Variants in SSBP4 observed in about 807,000 individuals in gnomAD.
SSBP4 encodes single stranded DNA binding protein 4, also known as single-stranded DNA-binding protein 4.
In SSBP4, 33 loss-of-function variants were observed where a neutral mutation model predicts 64.6. The ratio of observed to expected loss-of-function variants is 0.51; its 90% CI spans 0.39 to 0.68. SSBP4 has a LOEUF of 0.68. SSBP4 is among the 30% of genes least tolerant of loss of function. The pLI is 0.00. For missense variants in SSBP4, 583 were observed against 566.8 expected, an observed-to-expected ratio of 1.03 and a Z score of -0.29; for synonymous variants, 243 against 224.0, an observed-to-expected ratio of 1.08 and a Z score of -0.76.
At chr19:18,403,203 G>A in the SSBP4 span, among the ~76,000 whole-genome samples, 1 of 152,190 alleles carries the variant, frequency 6.6e-6, no homozygotes, top group Non-Finnish European at 1.5e-5. Flanking sequence ...TTGCTCACAT[G>A]TTTTCTTGCT....
rs545431829 is a variant in SSBP4, at chr19:18,428,849, C to G, written c.279+867C>G. ...TGCTGTTCACCCCCATGGTGTCCCA[C>G]TACTCGTGTGTGGTCCCCTTGTCCT... On this transcript the variant is annotated intron_variant, in intron 4 of 17. Coordinates refer to ENST00000270061, the MANE Select transcript of SSBP4 (RefSeq NM_032627.5). 1.3e-5 allele frequency among the ~76,000 whole-genome samples: 2 copies of G among 152,342 alleles called. 1 individual carries two copies. The highest frequency in any genetic ancestry group is 3.9e-4 in the East Asian group (2 of 5,180).
chr19:18,433,516 GC>G, intron 15 of SSBP4, 68 bp from the exon 16 acceptor site: 1 of 1,537,806 alleles, frequency 6.5e-7, no homozygotes, highest in Non-Finnish European at 8.7e-7. Flanking sequence ...AGGGTCGTTG[GC>G]CCCTGGAGGC....
chr19:18,403,017 T>C, the SSBP4 span, among the ~76,000 whole-genome samples: 1 of 152,242 alleles, frequency 6.6e-6, no homozygotes, highest in South Asian at 2.1e-4. Context: ...TGTACATTTG[T>C]TCAATTCTGA....
At position 18,431,374 on chromosome 19, in the gene SSBP4, TCCC is replaced by T; in HGVS notation, c.395_397del (p.Pro132del). 1.0e-6 allele frequency: 1 copy of T among 965,688 alleles called. No individual in the cohort carries two copies. The highest frequency in any genetic ancestry group is 1.4e-6 in the Non-Finnish European group (1 of 732,674). The allele number at this position is 965,688 out of a possible 1,614,324, so 59.8% of individuals were successfully genotyped here. ...CTAGGGCCCCCCCGGCTCCCAGCCG[TCCC>T]CCCACAACCCCAACGCCCCCATGAT... On this transcript the variant is annotated inframe_deletion, in exon 6 of 18. Transcript: ENST00000270061.
intron 5 of SSBP4, 25 bp from the exon 6 acceptor site, chr19:18,431,328 C>A (rs747203192): frequency 2.1e-5 from 14 of 666,924 alleles, no homozygotes; most frequent in Middle Eastern, 3.4e-4. Flanking sequence ...CACTCCCCCC[C>A]ACCCACCTGG....
Position 18,426,341 on chromosome 19 carries a change from T to C in SSBP4, c.60-1010T>C, listed in dbSNP as rs1178416554. Among the ~76,000 whole-genome samples, 2 of 152,194 alleles carry C rather than the reference T, an allele frequency of 1.3e-5. No homozygotes were observed. Among genetic ancestry groups the C allele is most frequent in the African/African-American group, 2.4e-5 (1 of 41,458 alleles). Reference sequence around the variant, plus strand: ...TGCTTCTCGCCTCTAGGGCTCAGCCTCAGGCTGGCCCTCTGGTACCCTGTC... The same window carrying C: ...TGCTTCTCGCCTCTAGGGCTCAGCCCCAGGCTGGCCCTCTGGTACCCTGTC... On this transcript the variant is annotated intron_variant, in intron 1 of 17. Coordinates refer to ENST00000270061, the MANE Select transcript of SSBP4 (RefSeq NM_032627.5). The surrounding 1 kb of genome is among the most constrained non-coding windows in gnomAD (Gnocchi z 4.5).
intron 10 of SSBP4, 112 bp from the exon 11 acceptor site, chr19:18,432,447 C>T (rs1973489482): frequency 1.4e-6 from 2 of 1,454,850 alleles, no homozygotes; most frequent in African/African-American, 2.8e-5. Context: ...GCAACATCTG[C>T]TGCTCTGTGG....
chr19:18,418,866 G>C (rs1014012134), upstream of SSBP4: 2 of 681,818 alleles, frequency 2.9e-6, no homozygotes, highest in Non-Finnish European at 3.6e-6. The surrounding 1 kb of genome is among the most constrained non-coding windows in gnomAD (Gnocchi z 6.7). Context: ...GCCTGTGTGC[G>C]GTGGCCTGTG....
At chr19:18,417,674 C>G (rs1232385348), upstream of SSBP4, among the ~76,000 whole-genome samples, 1 of 152,176 alleles carries the variant, frequency 6.6e-6, no homozygotes, top group Non-Finnish European at 1.5e-5. The surrounding 1 kb of genome is among the most constrained non-coding windows in gnomAD (Gnocchi z 5.4). Flanking sequence ...CCCGCCGAGC[C>G]GGGGCCCGGA....
upstream of SSBP4, among the ~76,000 whole-genome samples, chr19:18,416,985 A>G (rs1356475776): frequency 1.3e-5 from 2 of 152,090 alleles, no homozygotes; most frequent in Non-Finnish European, 2.9e-5. Context: ...CCCGGTTGCC[A>G]TGAGAACCGC....
At position 18,426,098 on chromosome 19, in the gene SSBP4, TC is replaced by T. The variant is rs1972837220; in HGVS notation, c.60-1249del. On this transcript the variant is annotated intron_variant, in intron 1 of 17. Transcript: ENST00000270061. This position sits in a 1 kb window ranked among gnomAD's most constrained non-coding sequence, Gnocchi z 4.5. ...ATGAGGACCAGGTGGGGGCAGGAAG[TC>T]CCCATGTTCTCTAGGGGCCGGGGCA... is the stretch of plus-strand genomic sequence containing the variant. The T allele has an allele frequency of 6.6e-6, 1 of 152,036 alleles. No individual in the cohort carries two copies. The highest frequency in any genetic ancestry group is 1.5e-5 in the Non-Finnish European group (1 of 68,032). The allele number at this position is 152,036 out of a possible 1,614,324, so 9.4% of individuals were successfully genotyped here. A position where few individuals can be genotyped will look rare whatever the true frequency, so the allele number is the denominator to read the frequency against.
At chr19:18,415,004 C>A (rs1292594572), upstream of SSBP4, among the ~76,000 whole-genome samples, 1 of 152,152 alleles carries the variant, frequency 6.6e-6, no homozygotes, top group African/African-American at 2.4e-5. Context: ...GCTGTCTGAA[C>A]ACCCCTCTGC....
chr19:18,412,009 A>G, the SSBP4 span, among the ~76,000 whole-genome samples: 7 of 152,128 alleles, frequency 4.6e-5, no homozygotes, highest in African/African-American at 1.7e-4. Context: ...ACACACACAA[A>G]ATAAAATTAG....
chr19:18,403,904 G>A, the SSBP4 span, among the ~76,000 whole-genome samples: 6,173 of 152,042 alleles, frequency 0.041, 171 homozygotes, highest in Middle Eastern at 0.071. Context: ...ACTTTCAGAG[G>A]CCACCTCCCT....
the SSBP4 span, among the ~76,000 whole-genome samples, chr19:18,407,571 A>G: frequency 2.0e-5 from 3 of 151,042 alleles, no homozygotes; most frequent in East Asian, 5.9e-4. Flanking sequence ...AGCTGGGACT[A>G]CAGGCGCCCG....
chr19:18,413,859 A>T, the SSBP4 span, among the ~76,000 whole-genome samples: 2 of 152,164 alleles, frequency 1.3e-5, no homozygotes, highest in Non-Finnish European at 2.9e-5. Flanking sequence ...TCTACTAAAA[A>T]TACAAAAATT....
chr19:18,419,356 G>T (rs1331952958), upstream of SSBP4: 1 of 1,021,350 alleles, frequency 9.8e-7, no homozygotes, highest in Non-Finnish European at 1.2e-6. Context: ...CGGCGTAGAG[G>T]CAGCGGGCGG....
chr19:18,426,348 G>A lies in SSBP4; in HGVS notation c.60-1003G>A, dbSNP rs1052335942. On this transcript the variant is annotated intron_variant, in intron 1 of 17. Transcript: ENST00000270061. This position sits in a 1 kb window ranked among gnomAD's most constrained non-coding sequence, Gnocchi z 4.5. ...CGCCTCTAGGGCTCAGCCTCAGGCT[G>A]GCCCTCTGGTACCCTGTCTTGAATC... is the stretch of plus-strand genomic sequence containing the variant. 6.6e-6 allele frequency among the ~76,000 whole-genome samples: 1 copy of A among 152,202 alleles called. No homozygotes were observed. Among genetic ancestry groups the A allele is most frequent in the Non-Finnish European group, 1.5e-5 (1 of 68,020 alleles).
At chr19:18,428,034 GCCT>G in intron 4 of SSBP4, 52 bp downstream of exon 4, 1 of 1,535,504 alleles carries the variant, frequency 6.5e-7, no homozygotes, top group Non-Finnish European at 8.9e-7. Flanking sequence ...GGTGTGCTGG[GCCT>G]GTGGCTGGGG....
Sources: allele counts gnomAD v4.1 joint callset (sites outside exome capture counted in the v4.1 genomes callset), GRCh38; gene constraint gnomAD v4.1.1; non-coding constraint Gnocchi (gnomAD v3.1); transcripts MANE v1.5; gene names NCBI Gene and HGNC (gene_info 2026-07-23, HGNC 2026-07-21).